Variants in RIMBP2 observed in about 807,000 individuals in gnomAD.
RIMBP2 encodes RIMS binding protein 2.
A neutral mutation model predicts 118.6 loss-of-function variants in RIMBP2; 48 were observed. The observed-to-expected ratio is 0.40, with a 90% CI of 0.32 to 0.51. RIMBP2 has a LOEUF of 0.51. RIMBP2 is among the 20% of genes least tolerant of loss of function. The probability of loss-of-function intolerance (pLI) is 0.41; values close to 1 mark genes in which losing one functional copy is unlikely to be tolerated. For synonymous variants in RIMBP2, 762 were observed against 742.9 expected (o/e 1.03, Z -0.42); for missense variants, 1,551 against 1,768.3 (o/e 0.88, Z 2.20).
chr12:130,677,452 A>AC (rs1276642474), intron 1 of RIMBP2, among the ~76,000 whole-genome samples: 1 of 152,058 alleles, frequency 6.6e-6, no homozygotes, highest in East Asian at 1.9e-4. Context: ...ACATGGCGAA[A>AC]CCCCATCTCT....
rs1593419117 is a variant in RIMBP2, at chr12:130,469,633, A to G, written c.153+1060T>C. ...AGGCTTTCAGAAAATCCATTTTAAT[A>G]TATAGGATGATAATGATGAAACCTT... On this transcript the variant is annotated intron_variant, in intron 6 of 22. Coordinates refer to ENST00000690449, the MANE Select transcript of RIMBP2 (RefSeq NM_001393629.1). The surrounding 1 kb of genome is among the most constrained non-coding windows in gnomAD (Gnocchi z 4.8). Among the ~76,000 whole-genome samples, 2 of 152,200 alleles carry G rather than the reference A, an allele frequency of 1.3e-5. No individual in the cohort carries two copies. The highest frequency in any genetic ancestry group is 2.1e-4 in the South Asian group (1 of 4,830).
intron 19 of RIMBP2, among the ~76,000 whole-genome samples, chr12:130,410,999 A>G (rs1436887410): frequency 6.6e-6 from 1 of 152,166 alleles, no homozygotes; most frequent in Admixed American, 6.5e-5. Context: ...CTGTCCATGT[A>G]TTTAGGTATC....
chr12:130,415,958 G>C (rs2076074661), intron 17 of RIMBP2, among the ~76,000 whole-genome samples: 1 of 117,858 alleles, frequency 8.5e-6, no homozygotes, highest in South Asian at 3.0e-4. Context: ...ATTGACAATA[G>C]CCACACACAC....
chr12:130,592,494 G>A (rs577886852), intron 2 of RIMBP2, among the ~76,000 whole-genome samples: 8 of 152,178 alleles, frequency 5.3e-5, no homozygotes, highest in Non-Finnish European at 8.8e-5. Flanking sequence ...TTCAAGACCA[G>A]CCTGGCCAAG....
chr12:130,598,931 T>G (rs2140404379), intron 2 of RIMBP2, among the ~76,000 whole-genome samples: 1 of 152,274 alleles, frequency 6.6e-6, no homozygotes, highest in South Asian at 2.1e-4. Context: ...GGCCTCAAAC[T>G]TCTGAGCTCA....
intron 2 of RIMBP2, among the ~76,000 whole-genome samples, chr12:130,559,912 C>T (rs191088179): frequency 9.2e-5 from 14 of 152,316 alleles, no homozygotes; most frequent in East Asian, 1.9e-4. Flanking sequence ...ACACCTGCCT[C>T]GAAGGGTTGT....
At chr12:130,559,184 T>A (rs1247423626) in intron 2 of RIMBP2, among the ~76,000 whole-genome samples, 1 of 152,166 alleles carries the variant, frequency 6.6e-6, no homozygotes, top group Non-Finnish European at 1.5e-5. Flanking sequence ...TGAAATCGAC[T>A]CTCCTGGTGA....
chr12:130,522,625 G>T (rs1208217704), intron 2 of RIMBP2, among the ~76,000 whole-genome samples: 1 of 152,232 alleles, frequency 6.6e-6, no homozygotes, highest in Non-Finnish European at 1.5e-5. Flanking sequence ...CGTAAAAGCA[G>T]CTGGACTTGT....
In RIMBP2 at chr12:130,423,278, C is replaced by A. The variant is rs985014082; in HGVS notation, c.3130-717G>T. Among the ~76,000 whole-genome samples, 15 of 152,268 alleles carry A rather than the reference C, an allele frequency of 9.9e-5. No homozygotes were observed. In the East Asian group the frequency reaches 2.7e-3, roughly 27 times the overall value. On this transcript the variant is annotated intron_variant, in intron 16 of 22. Transcript: ENST00000690449. ...GTGGGAAGGGAGTCCGGGGATGAGG[C>A]GTGTCTGCTGCAGAACCTGTGGCAG...
intron 2 of RIMBP2, among the ~76,000 whole-genome samples, chr12:130,535,208 A>C (rs534038212): frequency 7.9e-5 from 12 of 152,072 alleles, no homozygotes; most frequent in Non-Finnish European, 1.5e-4. Flanking sequence ...TGAAAAAAGA[A>C]CCTTAATCAG....
Position 130,450,124 on chromosome 12 carries a change from C to G in RIMBP2, c.581+76G>C, listed in dbSNP as rs571807251. ...CTGGGAGAAGGGAACTTCTCAGACC[C>G]CAGAGTGTTCCCAGACCCAACATCT... On this transcript the variant is annotated intron_variant, in intron 9 of 22. Transcript: ENST00000690449. This position sits in a 1 kb window ranked among gnomAD's most constrained non-coding sequence, Gnocchi z 4.8. 189 of 952,878 alleles carry G rather than the reference C, an allele frequency of 2.0e-4. 2 individuals are homozygous for G. In the South Asian group the frequency reaches 2.6e-3, roughly 13 times the overall value. The allele number at this position is 952,878 out of a possible 1,614,324, so 59.0% of individuals were successfully genotyped here.
At chr12:130,498,299 G>A (rs1021843273) in intron 4 of RIMBP2, among the ~76,000 whole-genome samples, 1 of 152,242 alleles carries the variant, frequency 6.6e-6, no homozygotes, top group African/African-American at 2.4e-5. Flanking sequence ...GAGGCAATCT[G>A]TCAACCCCTC....
chr12:130,500,694 G>GT (rs2049673446), intron 4 of RIMBP2, among the ~76,000 whole-genome samples: 1 of 152,266 alleles, frequency 6.6e-6, no homozygotes, highest in South Asian at 2.1e-4. Flanking sequence ...CTCCACAGCT[G>GT]TAACTACCCC....
intron 2 of RIMBP2, among the ~76,000 whole-genome samples, chr12:130,616,499 T>C (rs1415871768): frequency 1.3e-5 from 2 of 152,188 alleles, no homozygotes; most frequent in African/African-American, 4.8e-5. Flanking sequence ...TCCTCAAACC[T>C]GTCTACAAGG....
At position 130,644,831 on chromosome 12, in the gene RIMBP2, C is replaced by T. The variant is rs143674443; in HGVS notation, c.-351-16375G>A. 5.5e-3 allele frequency among the ~76,000 whole-genome samples: 842 copies of T among 152,336 alleles called. 5 individuals carry two copies. Among genetic ancestry groups the T allele is most frequent in the African/African-American group, 0.019 (777 of 41,566 alleles). On this transcript the variant is annotated intron_variant, in intron 1 of 22. Coordinates refer to ENST00000690449, the MANE Select transcript of RIMBP2 (RefSeq NM_001393629.1). ...CAGAGTCACTGGGCAAAGCACCCAA[C>T]GGCTCTGGCTGACTTCACATGCTGA...
chr12:130,577,024 G>A (rs11061004), intron 2 of RIMBP2, among the ~76,000 whole-genome samples: 5,505 of 152,258 alleles, frequency 0.036, 237 homozygotes, highest in East Asian at 0.17. Flanking sequence ...GTCACCATGG[G>A]CTGCGTTGAA....
chr12:130,429,501 C>T (rs2077022301), intron 14 of RIMBP2: 1 of 152,226 alleles, frequency 6.6e-6, no homozygotes. Context: ...ACTCGAACTA[C>T]ACGTTCTGAT....
rs2076643700 is a variant in RIMBP2, at chr12:130,424,541, G to A, written c.2730C>T (p.Ser910=). Residue 910 remains serine (S), a synonymous_variant, in exon 16 of 23, where the codon AGC becomes AGT. Coordinates refer to ENST00000690449, the MANE Select transcript of RIMBP2 (RefSeq NM_001393629.1). This position sits in a 1 kb window ranked among gnomAD's most constrained non-coding sequence, Gnocchi z 9.8. ...FLLEDRGCRF[S]RSATRSPDSG... ...TGTCCGGGCTCCGGGTGGCCGAGCGGCTGAACCGACAGCCCCTGTCTTCCA... is the reference window on the plus strand; with the variant it reads ...TGTCCGGGCTCCGGGTGGCCGAGCGACTGAACCGACAGCCCCTGTCTTCCA... 1 of 1,231,986 alleles carries A rather than the reference G, an allele frequency of 8.1e-7. No homozygotes were observed. Among genetic ancestry groups the A allele is most frequent in the Non-Finnish European group, 1.0e-6 (1 of 987,832 alleles). The allele number at this position is 1,231,986 out of a possible 1,614,324, so 76.3% of individuals were successfully genotyped here. A position where few individuals can be genotyped will look rare whatever the true frequency, so the allele number is the denominator to read the frequency against.
In RIMBP2 at chr12:130,623,529, C is replaced by T. The variant is rs2061444230; in HGVS notation, c.-217+4793G>A. Among the ~76,000 whole-genome samples the T allele has an allele frequency of 6.6e-6, 1 of 152,066 alleles. No homozygotes were observed. The highest frequency in any genetic ancestry group is 2.4e-5 in the African/African-American group (1 of 41,400). On this transcript the variant is annotated intron_variant, in intron 2 of 22. Coordinates refer to ENST00000690449, the MANE Select transcript of RIMBP2 (RefSeq NM_001393629.1). The surrounding 1 kb of genome is among the most constrained non-coding windows in gnomAD (Gnocchi z 4.1). ...ATAATAATTAGGCATGGTTAGGGGA[C>T]AGTTAGTTAACTGTTGTCATCTGTG...
Sources: allele counts gnomAD v4.1 joint callset (sites outside exome capture counted in the v4.1 genomes callset), GRCh38; gene constraint gnomAD v4.1.1; non-coding constraint Gnocchi (gnomAD v3.1); transcripts MANE v1.5; gene names NCBI Gene and HGNC (gene_info 2026-07-23, HGNC 2026-07-21).